Variants in XKR6 observed in about 807,000 individuals in gnomAD.
The protein encoded by XKR6 is XK-related protein 6.
A neutral mutation model predicts 56.7 loss-of-function variants in XKR6; 22 were observed. The observed-to-expected ratio is 0.39, with a 90% CI of 0.28 to 0.55. XKR6 has a LOEUF of 0.55. XKR6 is among the 20% of genes least tolerant of loss of function. The pLI is 0.66. For synonymous variants in XKR6, 524 were observed against 387.8 expected (o/e 1.35, Z -4.13); for missense variants, 852 against 889.0 (o/e 0.96, Z 0.53).
chr8:11,116,239 G>A (rs909832203), intron 1 of XKR6, among the ~76,000 whole-genome samples: 29 of 152,176 alleles, frequency 1.9e-4, no homozygotes, highest in African/African-American at 6.0e-4. Context: ...GGAAGCTTCA[G>A]AGAAAACGTA....
intron 1 of XKR6, among the ~76,000 whole-genome samples, chr8:11,189,643 T>C (rs1276468563): frequency 6.6e-6 from 1 of 152,192 alleles, no homozygotes; most frequent in Admixed American, 6.5e-5. Context: ...ATATGCTCCT[T>C]CTCCTTGATA....
At chr8:11,195,793 C>T (rs1269911342) in intron 1 of XKR6, among the ~76,000 whole-genome samples, 2 of 151,690 alleles carry the variant, frequency 1.3e-5, no homozygotes, top group African/African-American at 2.4e-5. Context: ...GGACTACAGG[C>T]GCCCGCCACC....
In XKR6 at chr8:11,201,367, T is replaced by TG. The variant is rs1341417185; in HGVS notation, c.-29dup. On this transcript the variant is annotated 5_prime_UTR_variant, in exon 1 of 3. Transcript: ENST00000416569. ...TGACTCTCTTCCCAGCTCCGGAGGT[T>TG]GGGGGGGAGGGACGGCGGGGGGGGG... 16 of 331,636 alleles carry TG rather than the reference T, an allele frequency of 4.8e-5. No homozygotes were observed. Among genetic ancestry groups the TG allele is most frequent in the African/African-American group, 1.6e-4 (2 of 12,820 alleles). The allele number at this position is 331,636 out of a possible 1,614,324, so 20.5% of individuals were successfully genotyped here.
chr8:11,107,458 T>C (rs1422535221), intron 1 of XKR6, among the ~76,000 whole-genome samples: 1 of 152,140 alleles, frequency 6.6e-6, no homozygotes, highest in Non-Finnish European at 1.5e-5. Context: ...GTGCTAGGAT[T>C]TTAGGCGTGA....
chr8:11,132,809 CT>C (rs955876918), intron 1 of XKR6, among the ~76,000 whole-genome samples: 1 of 142,806 alleles, frequency 7.0e-6, no homozygotes, highest in Non-Finnish European at 1.6e-5. Context: ...TCTTGGAAGA[CT>C]TTTTTTATTA....
rs1277118908 is a variant in XKR6 at position 11,113,915 on chromosome 8, G to C, written c.764+86661C>G. 2.5e-5 allele frequency: 6 copies of C among 243,164 alleles called. No homozygotes were observed. The South Asian group carries it at 2.6e-4, about 11-fold the overall frequency. The allele number at this position is 243,164 out of a possible 1,614,324, so 15.1% of individuals were successfully genotyped here. ...AAATGTTTTTAATCTTGAAGAGGAAGGAACTGGGGCAGCACAGACACGGAA... is the reference window on the plus strand; with the variant it reads ...AAATGTTTTTAATCTTGAAGAGGAACGAACTGGGGCAGCACAGACACGGAA... On this transcript the variant is annotated intron_variant, in intron 1 of 2. Transcript: ENST00000416569.
intron 1 of XKR6, among the ~76,000 whole-genome samples, chr8:11,086,527 C>A (rs1364973792): frequency 6.6e-6 from 1 of 152,198 alleles, no homozygotes; most frequent in Non-Finnish European, 1.5e-5. Context: ...CACACTACAC[C>A]CTGCCCAGCC....
chr8:10,995,644 T>C (rs866678735), intron 1 of XKR6, among the ~76,000 whole-genome samples: 14 of 147,390 alleles, frequency 9.5e-5, no homozygotes, highest in South Asian at 2.1e-4. Flanking sequence ...ACTGTGATCA[T>C]GCCACTGCAC....
At chr8:11,141,584 G>C (rs899410254) in intron 1 of XKR6, among the ~76,000 whole-genome samples, 2 of 152,238 alleles carry the variant, frequency 1.3e-5, no homozygotes, top group African/African-American at 4.8e-5. Flanking sequence ...GTGGACCCCA[G>C]CTCTGAGGAC....
intron 2 of XKR6, among the ~76,000 whole-genome samples, chr8:10,910,624 G>A (rs958149458): frequency 9.2e-5 from 14 of 152,136 alleles, no homozygotes; most frequent in Non-Finnish European, 1.6e-4. Context: ...GGGGGCTGGC[G>A]GCCACTCTGG....
chr8:11,050,409 C>T (rs1359089856), intron 1 of XKR6, among the ~76,000 whole-genome samples: 1 of 152,032 alleles, frequency 6.6e-6, no homozygotes, highest in East Asian at 1.9e-4. Flanking sequence ...ATGATGGTCT[C>T]GGAGATCCCT....
intron 1 of XKR6, among the ~76,000 whole-genome samples, chr8:10,930,805 G>C (rs1801030858): frequency 6.6e-6 from 1 of 152,166 alleles, no homozygotes; most frequent in Non-Finnish European, 1.5e-5. Context: ...GGCATTTATG[G>C]AAACTCCCAG....
intron 1 of XKR6, among the ~76,000 whole-genome samples, chr8:10,973,053 G>A (rs1464230630): frequency 6.6e-6 from 1 of 152,106 alleles, no homozygotes; most frequent in Non-Finnish European, 1.5e-5. Flanking sequence ...CTTGATAGAC[G>A]AGGCTTACGA....
At chr8:10,963,259 G>A (rs1802118889) in intron 1 of XKR6, among the ~76,000 whole-genome samples, 1 of 152,250 alleles carries the variant, frequency 6.6e-6, no homozygotes, top group South Asian at 2.1e-4. Flanking sequence ...CTGCCTCAGG[G>A]CCTTGGCACT....
intron 1 of XKR6, among the ~76,000 whole-genome samples, chr8:11,028,074 C>T (rs1412959970): frequency 6.6e-6 from 1 of 152,006 alleles, no homozygotes; most frequent in Non-Finnish European, 1.5e-5. Flanking sequence ...TATTAACATA[C>T]AGAGCAGTTT....
intron 1 of XKR6, among the ~76,000 whole-genome samples, chr8:11,057,531 TAA>T (rs755924945): frequency 5.3e-5 from 8 of 152,284 alleles, no homozygotes; most frequent in Non-Finnish European, 8.8e-5. Context: ...CACGCTGAGG[TAA>T]GTGTTTTGCC....
rs553228643 is a variant in XKR6 at position 11,139,170 on chromosome 8, T to A, written c.764+61406A>T. On this transcript the variant is annotated intron_variant, in intron 1 of 2. Coordinates refer to ENST00000416569, the MANE Select transcript of XKR6 (RefSeq NM_173683.4). The stretch of plus-strand genomic sequence containing the variant: ...CTTGGCCTCCACAACAAGGGTGTTA[T>A]TTTATAAAAGATGCTTTCCTCCATG... Among the ~76,000 whole-genome samples, 14 of 152,348 alleles carry A rather than the reference T, an allele frequency of 9.2e-5. No individual in the cohort carries two copies. The South Asian group carries it at 2.9e-3, about 32-fold the overall frequency.
chr8:11,081,606 G>A (rs1485413267), intron 1 of XKR6, among the ~76,000 whole-genome samples: 3 of 152,104 alleles, frequency 2.0e-5, no homozygotes, highest in East Asian at 3.9e-4. Context: ...ACAAGTCCTC[G>A]GCAGTAACTT....
chr8:11,194,099 C>T (rs938063208), intron 1 of XKR6, among the ~76,000 whole-genome samples: 1 of 152,138 alleles, frequency 6.6e-6, no homozygotes, highest in Non-Finnish European at 1.5e-5. Context: ...CGAATCAGCA[C>T]CTAGGAGACA....
Sources: gnomAD v4.1 joint callset for allele counts (sites outside exome capture counted in the v4.1 genomes callset) on GRCh38, gnomAD v4.1.1 for gene constraint, MANE v1.5 for transcripts, NCBI Gene and HGNC (gene_info 2026-07-23, HGNC 2026-07-21) for gene names.